The following ARNT2 variants were observed in gnomAD, a reference collection of about 807,000 sequenced individuals.
The protein encoded by ARNT2 is aryl hydrocarbon receptor nuclear translocator 2.
Under a neutral mutation model 91.7 loss-of-function variants are expected in ARNT2, and 36 were observed. The ratio of observed to expected loss-of-function variants is 0.39; its 90% CI spans 0.30 to 0.52. The LOEUF (loss-of-function observed/expected upper bound fraction) is 0.52, where lower values mean the gene tolerates loss of function less well. Among genes scored for constraint, ARNT2 ranks in the 20% least tolerant of loss-of-function variants. The pLI, the probability that ARNT2 is intolerant of heterozygous loss-of-function variation, is 0.72. For missense variants in ARNT2, 775 were observed against 939.3 expected (o/e 0.83, Z 2.29); for synonymous variants, 365 against 347.1 (o/e 1.05, Z -0.57).
intron 8 of ARNT2, among the ~76,000 whole-genome samples, chr15:80,533,163 C>T (rs1242028900): frequency 1.3e-5 from 2 of 152,168 alleles, no homozygotes; most frequent in Non-Finnish European, 1.5e-5. Context: ...ACAGAGCCCA[C>T]AAGAGGTAGA....
chr15:80,475,236 C>G lies in ARNT2; in HGVS notation c.622+13C>G, dbSNP rs763957897. On this transcript the variant is annotated intron_variant, in intron 5 of 18. Transcript: ENST00000303329. ...AACTCAATGACAGGTCAGTGGAGCT[C>G]CCTTTATGAGGCTGTTTGACTCTAG... 1.1e-5 allele frequency: 17 copies of G among 1,613,234 alleles called. No individual in the cohort carries two copies. The highest frequency in any genetic ancestry group is 1.4e-5 in the Non-Finnish European group (16 of 1,179,728).
chr15:80,408,344 G>A (rs575573218), intron 1 of ARNT2, among the ~76,000 whole-genome samples: 12 of 152,338 alleles, frequency 7.9e-5, no homozygotes, highest in Middle Eastern at 3.4e-3. Flanking sequence ...CAGGTGGAAT[G>A]AAATGAACGT....
intron 17 of ARNT2, among the ~76,000 whole-genome samples, chr15:80,589,359 T>G (rs1596027933): frequency 2.0e-5 from 3 of 148,934 alleles, no homozygotes; most frequent in Admixed American, 6.7e-5. Context: ...GGGGTGGGGG[T>G]GGCTGTAAAT....
At chr15:80,557,174 C>T (rs550465733) in intron 11 of ARNT2, among the ~76,000 whole-genome samples, 7 of 152,230 alleles carry the variant, frequency 4.6e-5, no homozygotes, top group African/African-American at 1.7e-4. Context: ...AACTCTTAAC[C>T]CCCACTCCTC....
At chr15:80,470,462 G>A in intron 4 of ARNT2, 31 bp downstream of exon 4, 4 of 1,604,896 alleles carry the variant, frequency 2.5e-6, no homozygotes, top group South Asian at 2.2e-5. Flanking sequence ...CCATTGGAAA[G>A]CGGGGGGAAT....
intron 8 of ARNT2, among the ~76,000 whole-genome samples, chr15:80,543,682 T>C (rs547593316): frequency 1.3e-5 from 2 of 152,334 alleles, no homozygotes; most frequent in South Asian, 4.1e-4. Context: ...TTGTTTCTAT[T>C]GTTATGTCAA....
At chr15:80,528,792 G>A (rs990317831) in intron 8 of ARNT2, among the ~76,000 whole-genome samples, 1 of 152,190 alleles carries the variant, frequency 6.6e-6, no homozygotes. Context: ...TTCACCAGGA[G>A]CAGGTGCTTT....
At position 80,576,258 on chromosome 15, in the gene ARNT2, A is replaced by G. The variant is rs141024054; in HGVS notation, c.1514-608A>G. Among the ~76,000 whole-genome samples, 19 of 150,794 alleles carry G rather than the reference A, an allele frequency of 1.3e-4. No homozygotes were observed. In the East Asian group the frequency reaches 3.1e-3, roughly 25 times the overall value. On this transcript the variant is annotated intron_variant, in intron 14 of 18. Coordinates refer to ENST00000303329, the MANE Select transcript of ARNT2 (RefSeq NM_014862.4). ...AGGGTTGGAAAGATTGGATAAAATA[A>G]TGTCTGAGAAAGAACTCTCATTAAT... is the stretch of plus-strand genomic sequence containing the variant.
chr15:80,469,128 T>G (rs568709250), intron 3 of ARNT2, among the ~76,000 whole-genome samples: 1 of 152,354 alleles, frequency 6.6e-6, no homozygotes, highest in South Asian at 2.1e-4. Context: ...GATAATTCTT[T>G]TATCCCAAGT....
chr15:80,585,262 C>G (rs931391471), intron 17 of ARNT2, among the ~76,000 whole-genome samples: 2 of 152,222 alleles, frequency 1.3e-5, no homozygotes, highest in African/African-American at 4.8e-5. Context: ...GGAAACTACA[C>G]AGTCCCATTA....
intron 12 of ARNT2, among the ~76,000 whole-genome samples, chr15:80,569,058 T>C (rs1286561078): frequency 6.6e-6 from 1 of 152,210 alleles, no homozygotes; most frequent in African/African-American, 2.4e-5. Flanking sequence ...ATGCAGATGG[T>C]GCTCAGTCAG....
At chr15:80,543,642 T>G (rs929122403) in intron 8 of ARNT2, among the ~76,000 whole-genome samples, 1 of 152,230 alleles carries the variant, frequency 6.6e-6, no homozygotes, top group African/African-American at 2.4e-5. Flanking sequence ...AAAAAGAACA[T>G]TTTTATTACT....
intron 8 of ARNT2, among the ~76,000 whole-genome samples, chr15:80,550,348 C>T (rs12148133): frequency 0.3 from 45,809 of 152,024 alleles, 7,323 homozygotes; most frequent in Non-Finnish European, 0.35. Flanking sequence ...GAGTGAGGGG[C>T]TGTCACTGTA....
chr15:80,464,718 G>C (rs1250970036), intron 3 of ARNT2, among the ~76,000 whole-genome samples: 3 of 152,192 alleles, frequency 2.0e-5, no homozygotes, highest in Non-Finnish European at 4.4e-5. Context: ...CCTCCATGGG[G>C]CTCCTGAAAT....
intron 11 of ARNT2, 98 bp from the exon 12 acceptor site, chr15:80,562,990 C>T: frequency 7.3e-7 from 1 of 1,375,676 alleles, no homozygotes; most frequent in Non-Finnish European, 1.0e-6. Flanking sequence ...TGAGGTCCTG[C>T]TGGCCCCTGC....
At chr15:80,441,335 T>C in intron 1 of ARNT2, 1 of 985,360 alleles carries the variant, frequency 1.0e-6, no homozygotes, top group Non-Finnish European at 1.2e-6. Context: ...TAAGAAGGTG[T>C]TGGTCACAAG....
At chr15:80,463,458 A>G (rs1896591016) in intron 3 of ARNT2, among the ~76,000 whole-genome samples, 1 of 152,172 alleles carries the variant, frequency 6.6e-6, no homozygotes, top group African/African-American at 2.4e-5. Context: ...ATGAGCAACT[A>G]AAGTTGCTTC....
At chr15:80,469,693 C>CTTG (rs563961038) in intron 3 of ARNT2, among the ~76,000 whole-genome samples, 1 of 152,174 alleles carries the variant, frequency 6.6e-6, no homozygotes, top group Non-Finnish European at 1.5e-5. Context: ...CAGCTTACTG[C>CTTG]AATCTCCATC....
chr15:80,576,818 T>C (rs765409465), intron 14 of ARNT2, 48 bp from the exon 15 acceptor site: 266 of 1,597,434 alleles, frequency 1.7e-4, no homozygotes, highest in Non-Finnish European at 2.1e-4. Context: ...CTCTGTGGTC[T>C]GCAGAGCAGG....
Sources: gnomAD v4.1 joint callset for allele counts (sites outside exome capture counted in the v4.1 genomes callset) on GRCh38, gnomAD v4.1.1 for gene constraint, MANE v1.5 for transcripts, NCBI Gene and HGNC (gene_info 2026-07-23, HGNC 2026-07-21) for gene names.